The following ATL3 variants were observed in gnomAD, a reference collection of about 807,000 sequenced individuals.
ATL3 encodes atlastin-3.
A neutral mutation model predicts 69.5 loss-of-function variants in ATL3; 49 were observed. The observed-to-expected ratio is 0.71, with a 90% CI of 0.56 to 0.89. ATL3 has a LOEUF of 0.89. ATL3 is among the 40% of genes least tolerant of loss of function. ATL3 has a pLI of 0.00. For missense variants in ATL3, 606 were observed against 645.7 expected (o/e 0.94, Z 0.67); for synonymous variants, 214 against 224.1 (o/e 0.95, Z 0.40).
At position 63,631,011 on chromosome 11, in the gene ATL3, C is replaced by T. The variant is rs375726105; in HGVS notation, c.1539+29G>A. On this transcript the variant is annotated intron_variant, in intron 12 of 12. Coordinates refer to ENST00000398868, the MANE Select transcript of ATL3 (RefSeq NM_015459.5). Reference sequence around the variant, plus strand: ...AGCACAAATATCTGCCCATTATCAACCCTCAGGCTCTTCAGCAGCACCACT... The same window carrying T: ...AGCACAAATATCTGCCCATTATCAATCCTCAGGCTCTTCAGCAGCACCACT... 16 of 1,570,634 alleles carry T rather than the reference C, an allele frequency of 1.0e-5. No individual in the cohort carries two copies. In the South Asian group the frequency reaches 1.8e-4, roughly 18 times the overall value.
In ATL3 at chr11:63,624,235, G is replaced by A. The variant is rs1415458344; in HGVS notation, c.*5084C>T. The A allele has an allele frequency of 6.6e-6, 1 of 152,176 alleles. No homozygotes were observed. Among genetic ancestry groups the A allele is most frequent in the African/African-American group, 2.4e-5 (1 of 41,438 alleles). The allele number at this position is 152,176 out of a possible 1,614,324, so 9.4% of individuals were successfully genotyped here. A position where few individuals can be genotyped will look rare whatever the true frequency, so the allele number is the denominator to read the frequency against. On this transcript the variant is annotated 3_prime_UTR_variant, in exon 13 of 13. Coordinates refer to ENST00000398868, the MANE Select transcript of ATL3 (RefSeq NM_015459.5). ...AAAGCCACTCAAAGGCAAGGGTCTA[G>A]CAGACAGTACTTTTAACAAATCATT... is the stretch of plus-strand genomic sequence containing the variant.
In ATL3 at chr11:63,662,043, T is replaced by C. The variant is rs142128562; in HGVS notation, c.47-2791A>G. Among the ~76,000 whole-genome samples, 805 of 151,056 alleles carry C rather than the reference T, an allele frequency of 5.3e-3. 7 individuals carry two copies. The highest frequency in any genetic ancestry group is 0.018 in the African/African-American group (732 of 41,148). On this transcript the variant is annotated intron_variant, in intron 1 of 12. Coordinates refer to ENST00000398868, the MANE Select transcript of ATL3 (RefSeq NM_015459.5). Reference sequence around the variant, plus strand: ...CCTGGTCCAACATGGTGAAACTCCATCTCTACTAAAAATACAAAAATTAGC... The same window carrying C: ...CCTGGTCCAACATGGTGAAACTCCACCTCTACTAAAAATACAAAAATTAGC...
intron 1 of ATL3, among the ~76,000 whole-genome samples, chr11:63,669,346 C>T (rs1192527557): frequency 6.6e-6 from 1 of 151,848 alleles, no homozygotes; most frequent in African/African-American, 2.4e-5. Flanking sequence ...ATCAGCCTGG[C>T]AAACATGGTG....
chr11:63,651,895 T>G, intron 5 of ATL3, 41 bp downstream of exon 5: 1 of 1,562,820 alleles, frequency 6.4e-7, no homozygotes, highest in Admixed American at 2.1e-5. Context: ...CTTAAAACTT[T>G]TAAATAATAT....
At chr11:63,660,596 C>G (rs1352661136) in intron 1 of ATL3, among the ~76,000 whole-genome samples, 1 of 152,144 alleles carries the variant, frequency 6.6e-6, no homozygotes, top group African/African-American at 2.4e-5. Context: ...CCTATGTCCA[C>G]CAAAAAACAT....
intron 5 of ATL3, among the ~76,000 whole-genome samples, chr11:63,647,201 A>G (rs946379255): frequency 6.6e-6 from 1 of 151,962 alleles, no homozygotes; most frequent in Non-Finnish European, 1.5e-5. Flanking sequence ...CTTTAAAAAA[A>G]AATTTTTTTT....
In ATL3 at chr11:63,652,653, G is replaced by A; in HGVS notation, c.406-78C>T. 4 of 1,011,732 alleles carry A rather than the reference G, an allele frequency of 4.0e-6. 1 individual carries two copies. The East Asian group carries it at 9.9e-5, about 25-fold the overall frequency. 62.7% of individuals were successfully genotyped at this position (1,011,732 alleles called of 1,614,324 possible). A position where few individuals can be genotyped will look rare whatever the true frequency, so the allele number is the denominator to read the frequency against. On this transcript the variant is annotated intron_variant, in intron 3 of 12. Coordinates refer to ENST00000398868, the MANE Select transcript of ATL3 (RefSeq NM_015459.5). ...CGTAAAGGAGAAATTGAAAAGTACA[G>A]GTAATATATACTTAAGTACAGGTAA...
chr11:63,655,475 T>G (rs1940211982), intron 3 of ATL3, among the ~76,000 whole-genome samples: 2 of 147,312 alleles, frequency 1.4e-5, no homozygotes, highest in South Asian at 4.3e-4. Flanking sequence ...TAGATGGAGT[T>G]TAGCTCTTGT....
chr11:63,634,278 G>A (rs977157995), intron 10 of ATL3, among the ~76,000 whole-genome samples: 11 of 151,824 alleles, frequency 7.2e-5, no homozygotes, highest in Admixed American at 2.6e-4. Context: ...AGGCTGAGGC[G>A]GGCAGATCAC....
At chr11:63,630,867 AT>A (rs1310325291) in intron 12 of ATL3, among the ~76,000 whole-genome samples, 172 bp downstream of exon 12, 1 of 152,034 alleles carries the variant, frequency 6.6e-6, no homozygotes, top group East Asian at 1.9e-4. Flanking sequence ...AAGAATAAAT[AT>A]TAATATCCTA....
At chr11:63,664,037 AAG>A (rs1332468588) in intron 1 of ATL3, among the ~76,000 whole-genome samples, 6 of 152,192 alleles carry the variant, frequency 3.9e-5, no homozygotes, top group Non-Finnish European at 7.3e-5. Context: ...CTGGAGAAAC[AAG>A]AGAGGTCAGA....
chr11:63,643,858 G>GAGT (rs34630980), intron 7 of ATL3, among the ~76,000 whole-genome samples: 2 of 152,182 alleles, frequency 1.3e-5, no homozygotes, highest in East Asian at 1.9e-4. Context: ...TAAAAATTTT[G>GAGT]AAGAATAACA....
At position 63,665,362 on chromosome 11, in the gene ATL3, A is replaced by T. The variant is rs553275; in HGVS notation, c.46+5928T>A. ...CTCCATCTCAAAAAAAAAAAAAAAA[A>T]AGAAGAATGTATACAGTTGTGTACA... On this transcript the variant is annotated intron_variant, in intron 1 of 12. Transcript: ENST00000398868. Among the ~76,000 whole-genome samples, 1,275 of 151,770 alleles carry T rather than the reference A, an allele frequency of 8.4e-3. 17 individuals are homozygous for T. The highest frequency in any genetic ancestry group is 0.029 in the African/African-American group (1,205 of 41,318).
chr11:63,638,338 A>G (rs1274369081), intron 8 of ATL3, among the ~76,000 whole-genome samples: 1 of 152,194 alleles, frequency 6.6e-6, no homozygotes, highest in Non-Finnish European at 1.5e-5. Flanking sequence ...TGTGACAGTA[A>G]GTAGGAAGAT....
chr11:63,652,042 A>G, intron 4 of ATL3, 56 bp from the exon 5 acceptor site: 1 of 1,567,612 alleles, frequency 6.4e-7, no homozygotes, highest in Admixed American at 2.1e-5. Context: ...ACAAATCCCA[A>G]ATAAGCCTAA....
intron 1 of ATL3, among the ~76,000 whole-genome samples, 160 bp downstream of exon 1, chr11:63,671,130 C>CA (rs1940759356): frequency 6.6e-6 from 1 of 152,244 alleles, no homozygotes; most frequent in African/African-American, 2.4e-5. Flanking sequence ...GGGGCCCCCC[C>CA]ACCACAAATT....
chr11:63,668,997 T>C (rs1490473418), intron 1 of ATL3, among the ~76,000 whole-genome samples: 2 of 143,320 alleles, frequency 1.4e-5, no homozygotes, highest in African/African-American at 2.6e-5. Context: ...CTAACTTTTT[T>C]TTAATTTTTT....
chr11:63,670,699 G>A (rs764520767), intron 1 of ATL3, among the ~76,000 whole-genome samples: 3 of 152,196 alleles, frequency 2.0e-5, no homozygotes, highest in Non-Finnish European at 4.4e-5. Flanking sequence ...GTTAAGTATG[G>A]GTTGAAAACC....
chr11:63,625,619 AAACC>A lies in ATL3; in HGVS notation c.*3696_*3699del, dbSNP rs1590710607. On this transcript the variant is annotated 3_prime_UTR_variant, in exon 13 of 13. Coordinates refer to ENST00000398868, the MANE Select transcript of ATL3 (RefSeq NM_015459.5). ...GAACACTGTGTGTGATCCACTAATG[AAACC>A]AACCACCAGTACAAGGCAGTATTTT... 1.3e-5 allele frequency: 2 copies of A among 152,358 alleles called. No homozygotes were observed. Among genetic ancestry groups the A allele is most frequent in the African/African-American group, 4.8e-5 (2 of 41,576 alleles). The allele number at this position is 152,358 out of a possible 1,614,324, so 9.4% of individuals were successfully genotyped here.
Sources: allele counts gnomAD v4.1 joint callset (sites outside exome capture counted in the v4.1 genomes callset), GRCh38; gene constraint gnomAD v4.1.1; transcripts MANE v1.5; gene names NCBI Gene and HGNC (gene_info 2026-07-23, HGNC 2026-07-21).